ANO6: variants seen among roughly 807,000 people sequenced by gnomAD.
ANO6 encodes anoctamin 6.
Under a neutral mutation model 117.5 loss-of-function variants are expected in ANO6, and 106 were observed. The observed-to-expected ratio is 0.90, with a 90% confidence interval of 0.77 to 1.06. The LOEUF is 1.06. Among genes scored for constraint, ANO6 ranks in the 50% least tolerant of loss-of-function variants. The pLI is 0.00. For missense variants in ANO6, 955 were observed against 1,121.1 expected (o/e 0.85, Z 2.12); for synonymous variants, 367 against 385.1 (o/e 0.95, Z 0.55).
Position 45,429,689 on chromosome 12 carries a change from C to T in ANO6, c.*378C>T. On this transcript the variant is annotated 3_prime_UTR_variant, in exon 20 of 20. Transcript: ENST00000320560. ...GCGCATGATCTCCTTTATTTTTAAG[C>T]CATGTTTCATTTCTTCACTTGGCTA... 9.0e-7 allele frequency: 1 copy of T among 1,115,370 alleles called. No homozygotes were observed. Among genetic ancestry groups the T allele is most frequent in the Non-Finnish European group, 1.1e-6 (1 of 909,162 alleles). The allele number at this position is 1,115,370 out of a possible 1,614,324, so 69.1% of individuals were successfully genotyped here.
chr12:45,306,253 A>T (rs1565677705), intron 2 of ANO6, among the ~76,000 whole-genome samples: 1 of 152,186 alleles, frequency 6.6e-6, no homozygotes, highest in Non-Finnish European at 1.5e-5. Flanking sequence ...AAGCTGGAAG[A>T]TTCTTCTTGC....
intron 1 of ANO6, among the ~76,000 whole-genome samples, chr12:45,269,441 T>G (rs1165249435): frequency 6.6e-6 from 1 of 152,240 alleles, no homozygotes; most frequent in Non-Finnish European, 1.5e-5. Context: ...TAAATATTTC[T>G]GAGGCTTTGG....
chr12:45,310,400 A>G (rs879193479), intron 2 of ANO6, among the ~76,000 whole-genome samples: 1 of 152,076 alleles, frequency 6.6e-6, no homozygotes, highest in African/African-American at 2.4e-5. Context: ...GTGTAAAATG[A>G]AAGTCCTGAG....
At chr12:45,370,163 T>C (rs1941786840) in intron 9 of ANO6, among the ~76,000 whole-genome samples, 1 of 152,250 alleles carries the variant, frequency 6.6e-6, no homozygotes, top group Non-Finnish European at 1.5e-5. Context: ...CTAGGCTTCT[T>C]ACCCAGTAAG....
In ANO6 at chr12:45,430,887, T is replaced by C; in HGVS notation, c.*1576T>C. 2 of 985,360 alleles carry C rather than the reference T, an allele frequency of 2.0e-6. No individual in the cohort carries two copies. Among genetic ancestry groups the C allele is most frequent in the Non-Finnish European group, 1.2e-6 (1 of 829,922 alleles). 61.0% of individuals were successfully genotyped at this position (985,360 alleles called of 1,614,324 possible). A position where few individuals can be genotyped will look rare whatever the true frequency, so the allele number is the denominator to read the frequency against. On this transcript the variant is annotated 3_prime_UTR_variant, in exon 20 of 20. Transcript: ENST00000320560. ...CACAAGAGGGAGGTGATTTGCATCA[T>C]GGTCATGCTGCATGGGCTTCACTGG... is the stretch of plus-strand genomic sequence containing the variant.
chr12:45,328,747 A>G (rs1214933521), intron 2 of ANO6, among the ~76,000 whole-genome samples: 1 of 152,196 alleles, frequency 6.6e-6, no homozygotes, highest in Admixed American at 6.5e-5. Flanking sequence ...GTAGTTGTCT[A>G]TTATTACAGT....
At chr12:45,252,052 T>TTGAAAA (rs1937641066) in intron 1 of ANO6, among the ~76,000 whole-genome samples, 2 of 152,374 alleles carry the variant, frequency 1.3e-5, no homozygotes, top group South Asian at 4.1e-4. Context: ...TAAAGAATAC[T>TTGAAAA]GTGATCTTGA....
At chr12:45,261,964 A>G (rs1414774059) in intron 1 of ANO6, among the ~76,000 whole-genome samples, 1 of 152,254 alleles carries the variant, frequency 6.6e-6, no homozygotes, top group African/African-American at 2.4e-5. Context: ...TATGCAGTAT[A>G]CAAGTATAAT....
At chr12:45,242,737 A>G (rs1424893722) in intron 1 of ANO6, among the ~76,000 whole-genome samples, 2 of 152,050 alleles carry the variant, frequency 1.3e-5, no homozygotes, top group African/African-American at 4.8e-5. Flanking sequence ...ATTTTTATTT[A>G]CTCTCACATA....
At chr12:45,235,357 T>TAA (rs1315029302) in intron 1 of ANO6, among the ~76,000 whole-genome samples, 1 of 152,228 alleles carries the variant, frequency 6.6e-6, no homozygotes, top group Non-Finnish European at 1.5e-5. Context: ...TGCTGTCTGT[T>TAA]CTAAGTAGGG....
chr12:45,422,314 A>C lies in ANO6; in HGVS notation c.2421-643A>C, dbSNP rs556096108. 7.2e-5 allele frequency among the ~76,000 whole-genome samples: 11 copies of C among 152,278 alleles called. No homozygotes were observed. The South Asian group carries it at 2.3e-3, about 32-fold the overall frequency. ...TGAACCCTGATGATACCATTATATA[A>C]ATAAATTTATAAATATGATCCCCAA... is the stretch of plus-strand genomic sequence containing the variant. On this transcript the variant is annotated intron_variant, in intron 18 of 19. Coordinates refer to ENST00000320560, the MANE Select transcript of ANO6 (RefSeq NM_001025356.3).
intron 8 of ANO6, among the ~76,000 whole-genome samples, chr12:45,361,380 A>G (rs1941551243): frequency 6.6e-6 from 1 of 151,896 alleles, no homozygotes; most frequent in Non-Finnish European, 1.5e-5. Flanking sequence ...TTGTATATTG[A>G]TTTTTGTGTG....
At chr12:45,361,207 A>G (rs1941547196) in intron 8 of ANO6, among the ~76,000 whole-genome samples, 1 of 152,068 alleles carries the variant, frequency 6.6e-6, no homozygotes, top group African/African-American at 2.4e-5. Flanking sequence ...TAGGTCTTTC[A>G]TTTCTATCAA....
intron 1 of ANO6, among the ~76,000 whole-genome samples, chr12:45,244,725 C>T (rs755578854): frequency 8.3e-4 from 126 of 152,084 alleles, no homozygotes; most frequent in Non-Finnish European, 1.4e-3. Context: ...TCATCAGTTC[C>T]CATACTGAGG....
intron 1 of ANO6, among the ~76,000 whole-genome samples, chr12:45,245,196 C>T (rs549536289): frequency 1.7e-4 from 26 of 152,278 alleles, no homozygotes; most frequent in African/African-American, 6.3e-4. Context: ...GTATGCTGAT[C>T]AGCACTGGCT....
intron 7 of ANO6, among the ~76,000 whole-genome samples, chr12:45,354,062 G>T (rs998542963): frequency 2.0e-5 from 3 of 152,050 alleles, no homozygotes; most frequent in Non-Finnish European, 2.9e-5. Flanking sequence ...ATGTAGGGAA[G>T]AAATCTGAGA....
chr12:45,270,383 CGCCTCCTGCTCTGTCTGCA>C lies in ANO6; in HGVS notation c.71-31626_71-31608del, dbSNP rs1938355439. The stretch of plus-strand genomic sequence containing the variant: ...GTTGTTACAGAGGCAGGTCTGATGC[CGCCTCCTGCTCTGTCTGCA>C]GCCTAACACCATCCCTTATATTGGC... On this transcript the variant is annotated intron_variant, in intron 1 of 19. Transcript: ENST00000320560. 7 of 1,417,000 alleles carry C rather than the reference CGCCTCCTGCTCTGTCTGCA, an allele frequency of 4.9e-6. No individual in the cohort carries two copies. In the East Asian group the frequency reaches 2.0e-4, roughly 40 times the overall value. The allele number at this position is 1,417,000 out of a possible 1,614,324, so 87.8% of individuals were successfully genotyped here. A position where few individuals can be genotyped will look rare whatever the true frequency, so the allele number is the denominator to read the frequency against.
At chr12:45,323,063 T>G (rs1940334703) in intron 2 of ANO6, among the ~76,000 whole-genome samples, 1 of 152,226 alleles carries the variant, frequency 6.6e-6, no homozygotes, top group African/African-American at 2.4e-5. Flanking sequence ...CTGGTTCTGT[T>G]TATAATTCTT....
intron 1 of ANO6, among the ~76,000 whole-genome samples, chr12:45,288,734 C>A (rs779371815): frequency 1.3e-5 from 2 of 152,014 alleles, no homozygotes; most frequent in African/African-American, 4.8e-5. Flanking sequence ...TATTATAATA[C>A]ATAACTTTTT....
Sources: gnomAD v4.1 joint callset for allele counts (sites outside exome capture counted in the v4.1 genomes callset) on GRCh38, gnomAD v4.1.1 for gene constraint, MANE v1.5 for transcripts, NCBI Gene and HGNC (gene_info 2026-07-23, HGNC 2026-07-21) for gene names.